The following FMN1 variants were observed in gnomAD, a reference collection of about 807,000 sequenced individuals.
FMN1 encodes the protein formin-1.
A neutral mutation model predicts 132.4 loss-of-function variants in FMN1; 110 were observed. The observed-to-expected ratio is 0.83, with a 90% CI of 0.71 to 0.97. The LOEUF (loss-of-function observed/expected upper bound fraction) is 0.97, where lower values mean the gene tolerates loss of function less well. Ranked by LOEUF, FMN1 falls within the 50% of genes least tolerant of loss-of-function variation. The pLI is 0.00. For synonymous variants in FMN1, 722 were observed against 651.7 expected, an observed-to-expected ratio of 1.11 and a Z score of -1.64; for missense variants, 1,792 against 1,705.3, an observed-to-expected ratio of 1.05 and a Z score of -0.90.
At chr15:32,935,334 T>C (rs1596306763) in intron 9 of FMN1, among the ~76,000 whole-genome samples, 1 of 152,232 alleles carries the variant, frequency 6.6e-6, no homozygotes, top group Non-Finnish European at 1.5e-5. Flanking sequence ...AATCTTCTGA[T>C]AGTCTTGTTG....
intron 6 of FMN1, among the ~76,000 whole-genome samples, chr15:33,026,409 T>TACACACACACACAC (rs532485925): frequency 9.4e-5 from 2 of 21,382 alleles, no homozygotes; most frequent in Non-Finnish European, 2.8e-4. Flanking sequence ...CGTCCAAATT[T>TACACACACACACAC]TCACACACAC....
At chr15:32,924,432 CTT>C (rs147877320) in intron 10 of FMN1, among the ~76,000 whole-genome samples, 2,055 of 152,258 alleles carry the variant, frequency 0.013, 44 homozygotes, top group African/African-American at 0.047. Flanking sequence ...GTGAAAGTAA[CTT>C]AAGTGTCTTG....
chr15:32,941,049 C>G (rs1403835118), intron 9 of FMN1, among the ~76,000 whole-genome samples: 1 of 152,092 alleles, frequency 6.6e-6, no homozygotes, highest in Non-Finnish European at 1.5e-5. Context: ...AGTGCCTTAT[C>G]CCCACGTAAC....
At chr15:32,882,582 C>T (rs376025266) in intron 16 of FMN1, among the ~76,000 whole-genome samples, 1 of 152,112 alleles carries the variant, frequency 6.6e-6, no homozygotes, top group Non-Finnish European at 1.5e-5. Context: ...TAATAAAAAA[C>T]GAACTGACTT....
intron 17 of FMN1, among the ~76,000 whole-genome samples, chr15:32,850,977 G>T (rs992831015): frequency 6.6e-6 from 1 of 152,068 alleles, no homozygotes; most frequent in African/African-American, 2.4e-5. Flanking sequence ...AGAATGGCGT[G>T]AACCCGGGAG....
At chr15:32,903,735 C>T (rs906515098) in intron 12 of FMN1, among the ~76,000 whole-genome samples, 2 of 152,156 alleles carry the variant, frequency 1.3e-5, no homozygotes, top group African/African-American at 2.4e-5. Flanking sequence ...AAAGAGGAAG[C>T]ATAGGACCAA....
At position 32,769,300 on chromosome 15, in the gene FMN1, A is replaced by G. The variant is rs531728127; in HGVS notation, c.*5010T>C. On this transcript the variant is annotated 3_prime_UTR_variant, in exon 21 of 21. Coordinates refer to ENST00000616417, the MANE Select transcript of FMN1 (RefSeq NM_001277313.2). ...AAATTTGACATGTTAAAACTCTCTT[A>G]AATTCATCACTTTCCAACAAAGCAT... 6.6e-6 allele frequency: 1 copy of G among 152,366 alleles called. No individual in the cohort carries two copies. The highest frequency in any genetic ancestry group is 2.1e-4 in the South Asian group (1 of 4,832). 9.4% of individuals were successfully genotyped at this position (152,366 alleles called of 1,614,324 possible).
chr15:33,067,546 C>T (rs2037800263), intron 5 of FMN1: 1 of 1,613,874 alleles, frequency 6.2e-7, no homozygotes, highest in African/African-American at 1.3e-5. Flanking sequence ...GGAGAGATGT[C>T]CCTGCTTCTT....
rs944693535 is a variant in FMN1 at position 33,155,058 on chromosome 15, C to G, written c.-131-13G>C. On this transcript the variant is annotated splice_polypyrimidine_tract_variant and intron_variant, in intron 3 of 20. Coordinates refer to ENST00000616417, the MANE Select transcript of FMN1 (RefSeq NM_001277313.2). ...GCAATGAGACTGCCTGTTAGAGGAA[C>G]AGGGGAAGAAAGCAGCTTGTCTAAC... is the stretch of plus-strand genomic sequence containing the variant. 3 of 638,088 alleles carry G rather than the reference C, an allele frequency of 4.7e-6. No homozygotes were observed. Among genetic ancestry groups the G allele is most frequent in the Non-Finnish European group, 5.4e-6 (2 of 373,482 alleles). The allele number at this position is 638,088 out of a possible 1,614,324, so 39.5% of individuals were successfully genotyped here.
chr15:32,991,021 C>A (rs1408564213), intron 7 of FMN1, among the ~76,000 whole-genome samples: 1 of 152,026 alleles, frequency 6.6e-6, no homozygotes, highest in Non-Finnish European at 1.5e-5. Context: ...ATAGCAGCAA[C>A]CAAACGAGAA....
chr15:33,058,036 C>CGGGGCTGGTAGTGGAAAGGCGTGGCG (rs113942294), intron 6 of FMN1, among the ~76,000 whole-genome samples: 2 of 146,662 alleles, frequency 1.4e-5, no homozygotes, highest in African/African-American at 5.0e-5. Flanking sequence ...AAAGGCGTGG[C>CGGGGCTGGTAGTGGAAAGGCGTGGCG]GGGCTGGTGG....
At chr15:33,047,977 A>G (rs1366843199) in intron 6 of FMN1, among the ~76,000 whole-genome samples, 1 of 152,222 alleles carries the variant, frequency 6.6e-6, no homozygotes, top group African/African-American at 2.4e-5. Context: ...TAATCTTTAC[A>G]TAAAAGAGCT....
At position 32,768,237 on chromosome 15, in the gene FMN1, G is replaced by C. The variant is rs895869311; in HGVS notation, c.*6073C>G. On this transcript the variant is annotated 3_prime_UTR_variant, in exon 21 of 21. Coordinates refer to ENST00000616417, the MANE Select transcript of FMN1 (RefSeq NM_001277313.2). ...AGAGAGTAATTTCCCTGAATAGCCA[G>C]TGGTCTATGGGACTAACCTTTCATT... 1 of 152,162 alleles carries C rather than the reference G, an allele frequency of 6.6e-6. No homozygotes were observed. The highest frequency in any genetic ancestry group is 1.5e-5 in the Non-Finnish European group (1 of 68,034). 9.4% of individuals were successfully genotyped at this position (152,162 alleles called of 1,614,324 possible). A position where few individuals can be genotyped will look rare whatever the true frequency, so the allele number is the denominator to read the frequency against.
chr15:32,920,684 T>C (rs1202820693), intron 10 of FMN1, among the ~76,000 whole-genome samples: 1 of 152,212 alleles, frequency 6.6e-6, no homozygotes, highest in Non-Finnish European at 1.5e-5. Flanking sequence ...AAGCCCTGCG[T>C]CTGCACCTGT....
intron 7 of FMN1, among the ~76,000 whole-genome samples, chr15:33,000,400 G>T (rs890337496): frequency 1.4e-5 from 2 of 144,946 alleles, no homozygotes; most frequent in African/African-American, 5.1e-5. Flanking sequence ...AGTGAGCCGA[G>T]ATCCTGCCAC....
chr15:32,816,518 TA>T (rs1416611957), intron 17 of FMN1, among the ~76,000 whole-genome samples: 1 of 152,152 alleles, frequency 6.6e-6, no homozygotes, highest in African/African-American at 2.4e-5. Flanking sequence ...TCATTTAATA[TA>T]ATCAGAAAAA....
rs1021109658 is a variant in FMN1, at chr15:32,767,033, T to C, written c.*7277A>G. ...TTCACTGGGGTACCTGCTTTCCCAG[T>C]ACATTGGCACTGATCAATACAAGAT... On this transcript the variant is annotated 3_prime_UTR_variant, in exon 21 of 21. Coordinates refer to ENST00000616417, the MANE Select transcript of FMN1 (RefSeq NM_001277313.2). 6.6e-6 allele frequency: 1 copy of C among 152,192 alleles called. No individual in the cohort carries two copies. The highest frequency in any genetic ancestry group is 6.5e-5 in the Admixed American group (1 of 15,272). 9.4% of individuals were successfully genotyped at this position (152,192 alleles called of 1,614,324 possible). A position where few individuals can be genotyped will look rare whatever the true frequency, so the allele number is the denominator to read the frequency against.
chr15:33,008,581 C>G (rs114827021), intron 6 of FMN1, among the ~76,000 whole-genome samples: 1 of 152,242 alleles, frequency 6.6e-6, no homozygotes, highest in South Asian at 2.1e-4. Flanking sequence ...CTCAGAAAGT[C>G]AATACTATTT....
chr15:32,910,086 T>C (rs542452806), intron 11 of FMN1, among the ~76,000 whole-genome samples: 3 of 152,296 alleles, frequency 2.0e-5, no homozygotes, highest in East Asian at 1.9e-4. Context: ...ATCAACTCAT[T>C]TGGACTAAGA....
Sources: gnomAD v4.1 joint callset for allele counts (sites outside exome capture counted in the v4.1 genomes callset) on GRCh38, gnomAD v4.1.1 for gene constraint, MANE v1.5 for transcripts, NCBI Gene and HGNC (gene_info 2026-07-23, HGNC 2026-07-21) for gene names.